CHRNA2: variants seen among roughly 807,000 people sequenced by gnomAD.
CHRNA2 encodes the protein cholinergic receptor nicotinic alpha 2 subunit.
In CHRNA2, 40 loss-of-function variants were observed where a neutral mutation model predicts 45.5. That is an observed-to-expected ratio of 0.88 (90% CI 0.68 to 1.15). The LOEUF (loss-of-function observed/expected upper bound fraction) is 1.15, where lower values mean the gene tolerates loss of function less well. Among genes scored for constraint, CHRNA2 ranks in the 50% most tolerant of loss-of-function variants. CHRNA2 has a pLI of 0.00. For synonymous variants in CHRNA2, 301 were observed against 296.7 expected (o/e 1.01, Z -0.15); for missense variants, 655 against 701.7 (o/e 0.93, Z 0.75).
chr8:27,461,645 A>G lies in CHRNA2; in HGVS notation c.1574T>C (p.Leu525Pro), dbSNP rs762018858. Residue 525 changes from leucine (L) to proline (P), a missense_variant, in exon 7 of 7, where the codon CTA becomes CCA. This residue lies in a region of CHRNA2 where 295 missense variants were observed against 280.4 expected (regional missense o/e 1.05). Transcript: ENST00000407991. ...GTIGLFLPPF[L>P]AGMI ...GAGGTGCAGTCAGATCATTCCAGCT[A>G]GGAACGGAGGCAGAAAGAGGCCGAT... 3 of 1,614,108 alleles carry G rather than the reference A, an allele frequency of 1.9e-6. No individual in the cohort carries two copies. The highest frequency in any genetic ancestry group is 2.5e-6 in the Non-Finnish European group (3 of 1,180,034).
rs560827547 is a variant in CHRNA2 at position 27,469,482 on chromosome 8, C to G, written c.295-103G>C. ...TTTTCAGACCCTCTGATAGGACACC[C>G]CAAGCCCAGCCCGCCCGCCACCCAC... is the stretch of plus-strand genomic sequence containing the variant. On this transcript the variant is annotated intron_variant, in intron 3 of 6. Coordinates refer to ENST00000407991, the MANE Select transcript of CHRNA2 (RefSeq NM_000742.4). 4.4e-4 allele frequency: 553 copies of G among 1,247,928 alleles called. 5 individuals carry two copies. The highest frequency in any genetic ancestry group is 3.2e-3 in the South Asian group (253 of 78,024). 77.3% of individuals were successfully genotyped at this position (1,247,928 alleles called of 1,614,324 possible). A position where few individuals can be genotyped will look rare whatever the true frequency, so the allele number is the denominator to read the frequency against.
intron 1 of CHRNA2, among the ~76,000 whole-genome samples, chr8:27,478,283 A>G (rs1007914719): frequency 6.6e-6 from 1 of 152,212 alleles, no homozygotes; most frequent in African/African-American, 2.4e-5. Context: ...TCTAGCTTTT[A>G]TATCTGTTTT....
intron 2 of CHRNA2, among the ~76,000 whole-genome samples, chr8:27,470,393 C>G (rs2132668931): frequency 6.6e-6 from 1 of 152,326 alleles, no homozygotes; most frequent in Middle Eastern, 3.4e-3. Flanking sequence ...CCCGTTCCCA[C>G]CCACTTGTCC....
At chr8:27,467,492 G>A (rs1812736395) in intron 4 of CHRNA2, 154 bp from the exon 5 acceptor site, 5 of 628,148 alleles carry the variant, frequency 8.0e-6, no homozygotes, top group Admixed American at 2.5e-5. Context: ...GGGAGCTGCG[G>A]TGCTGGGAAC....
In CHRNA2 at chr8:27,463,711, C is replaced by G; in HGVS notation, c.732G>C (p.Lys244Asn). Residue 244 changes from lysine (K) to asparagine (N), a missense_variant, in exon 6 of 7, where the codon AAG becomes AAC. Physicochemically the swap from Lys to Asn is moderately conservative, Grantham distance 94. This residue lies in a region of CHRNA2 where 323 missense variants were observed against 354.4 expected (regional missense o/e 0.91). Coordinates refer to ENST00000407991, the MANE Select transcript of CHRNA2 (RefSeq NM_000742.4). This position sits in a 1 kb window ranked among gnomAD's most constrained non-coding sequence, Gnocchi z 6.1. ...VNATGTYNSKKYDCCAEIYPD... is the reference protein window; with the variant it reads ...VNATGTYNSKNYDCCAEIYPD... ...GGTAGATCTCGGCGCAGCAGTCGTA[C>G]TTCTTGCTGTTGTAGGTGCCCGTGG... 6.4e-7 allele frequency: 1 copy of G among 1,566,064 alleles called. No individual in the cohort carries two copies. Among genetic ancestry groups the G allele is most frequent in the Non-Finnish European group, 8.6e-7 (1 of 1,159,068 alleles).
chr8:27,475,947 G>A (rs1321255979), intron 1 of CHRNA2, among the ~76,000 whole-genome samples: 1 of 152,174 alleles, frequency 6.6e-6, no homozygotes, highest in Non-Finnish European at 1.5e-5. Flanking sequence ...GTGGGTTCCA[G>A]GTGTTCAGAG....
chr8:27,462,692 G>A (rs1363950848), intron 6 of CHRNA2, among the ~76,000 whole-genome samples: 1 of 152,202 alleles, frequency 6.6e-6, no homozygotes, highest in Non-Finnish European at 1.5e-5. Flanking sequence ...GGAGGCACGG[G>A]GTTCAGCATC....
chr8:27,470,404 G>A (rs1049380361), intron 2 of CHRNA2, among the ~76,000 whole-genome samples: 2 of 152,156 alleles, frequency 1.3e-5, no homozygotes, highest in Admixed American at 6.5e-5. Context: ...CCACTTGTCC[G>A]ATGAACCATT....
chr8:27,468,529 C>G (rs1488501031), intron 4 of CHRNA2, among the ~76,000 whole-genome samples: 1 of 152,178 alleles, frequency 6.6e-6, no homozygotes, highest in Non-Finnish European at 1.5e-5. Context: ...TCTTTTACTC[C>G]CTGTCTCTTG....
At chr8:27,472,493 G>A (rs532761240) in intron 1 of CHRNA2, among the ~76,000 whole-genome samples, 1 of 152,334 alleles carries the variant, frequency 6.6e-6, no homozygotes, top group East Asian at 1.9e-4. Context: ...TCTTTGGGGG[G>A]TCACAGAAGT....
rs144444648 is a variant in CHRNA2 at position 27,472,042 on chromosome 8, A to G, written c.-136-848T>C. Among the ~76,000 whole-genome samples the G allele has an allele frequency of 7.1e-3, 1,079 of 152,340 alleles. 18 individuals are homozygous for G. Among genetic ancestry groups the G allele is most frequent in the African/African-American group, 0.025 (1,037 of 41,572 alleles). ...AATGAGGCCTCCATAAAACCCCGAA[A>G]GGACAGGTTTTGAAGAGCTTCTAAA... On this transcript the variant is annotated intron_variant, in intron 1 of 6. Coordinates refer to ENST00000407991, the MANE Select transcript of CHRNA2 (RefSeq NM_000742.4).
intron 4 of CHRNA2, among the ~76,000 whole-genome samples, chr8:27,469,020 T>G (rs1407779016): frequency 6.6e-6 from 1 of 152,176 alleles, no homozygotes; most frequent in African/African-American, 2.4e-5. Flanking sequence ...ATGGGCAGAA[T>G]GAACCCCCCG....
chr8:27,467,163 G>A (rs758535216), intron 5 of CHRNA2, 66 bp downstream of exon 5: 36 of 1,300,466 alleles, frequency 2.8e-5, no homozygotes, highest in Non-Finnish European at 4.0e-5. Context: ...CCCCTCCCAA[G>A]GCCATGGACC....
chr8:27,469,342 A>G lies in CHRNA2; in HGVS notation c.332T>C (p.Leu111Pro). The G allele has an allele frequency of 6.4e-7, 1 of 1,556,106 alleles. No homozygotes were observed. The highest frequency in any genetic ancestry group is 1.2e-5 in the South Asian group (1 of 84,450). ...KNQMMTTNVW[L>P]KQEWSDYKLR... ...GAGGAGGGGGGCCCTCACCTGTTTT[A>G]GCCAGACGTTGGTGGTCATCATTTG... Residue 111 changes from leucine (L) to proline (P), a missense_variant, in exon 4 of 7, where the codon CTA becomes CCA. Physicochemically the swap from Leu to Pro is moderately conservative, Grantham distance 98. Coordinates refer to ENST00000407991, the MANE Select transcript of CHRNA2 (RefSeq NM_000742.4).
chr8:27,469,961 G>A lies in CHRNA2; in HGVS notation c.94C>T (p.Pro32Ser), dbSNP rs2132667834. Residue 32 changes from proline to serine, a missense_variant, in exon 3 of 7, where the codon CCA becomes TCA. By Grantham distance (74) the Pro-to-Ser change is moderately conservative. Transcript: ENST00000407991. ...TPAGGEEAKR[P>S]PPRAPGDPLS... is the part of the protein sequence containing the mutation. ...GGGTCTCCAGGAGCCCTGGGAGGTG[G>A]GCGCTTAGCTTCCTCTCCACCTGCC... The A allele has an allele frequency of 1.2e-6, 2 of 1,613,696 alleles. No individual in the cohort carries two copies. Among genetic ancestry groups the A allele is most frequent in the East Asian group, 2.2e-5 (1 of 44,874 alleles).
In CHRNA2 at chr8:27,461,636, A is replaced by T; in HGVS notation, c.1583T>A (p.Met528Lys). Residue 528 changes from methionine to lysine, a missense_variant, in exon 7 of 7, where the codon ATG becomes AAG. Transcript: ENST00000407991. ...AGCTCGAGGGAGGTGCAGTCAGATC[A>T]TTCCAGCTAGGAACGGAGGCAGAAA... ...GLFLPPFLAG[M>K]I The T allele has an allele frequency of 6.2e-7, 1 of 1,614,260 alleles. No individual in the cohort carries two copies. Among genetic ancestry groups the T allele is most frequent in the Non-Finnish European group, 8.5e-7 (1 of 1,180,038 alleles).
At chr8:27,472,668 G>A (rs1812926089) in intron 1 of CHRNA2, among the ~76,000 whole-genome samples, 1 of 152,190 alleles carries the variant, frequency 6.6e-6, no homozygotes, top group African/African-American at 2.4e-5. Context: ...GATGGGAAGT[G>A]ACTGCTTAAT....
chr8:27,472,935 G>T (rs1812935234), intron 1 of CHRNA2, among the ~76,000 whole-genome samples: 1 of 152,090 alleles, frequency 6.6e-6, no homozygotes, highest in East Asian at 1.9e-4. Context: ...TACACAAAGG[G>T]TTCTAGTGAC....
At chr8:27,474,145 CAGGGCCCATG>C (rs1160564509) in intron 1 of CHRNA2, among the ~76,000 whole-genome samples, 2 of 152,142 alleles carry the variant, frequency 1.3e-5, no homozygotes, top group African/African-American at 4.8e-5. Context: ...TTATGGTTGT[CAGGGCCCATG>C]ACCCACAGTG....
Sources: allele counts gnomAD v4.1 joint callset (sites outside exome capture counted in the v4.1 genomes callset), GRCh38; gene constraint gnomAD v4.1.1; regional missense constraint gnomAD v4.1.1; non-coding constraint Gnocchi (gnomAD v3.1); transcripts MANE v1.5; gene names NCBI Gene and HGNC (gene_info 2026-07-23, HGNC 2026-07-21).